The following HMCN1 variants were observed in gnomAD, a reference collection of about 807,000 sequenced individuals.
The protein encoded by HMCN1 is hemicentin-1.
HMCN1 carries 321 observed loss-of-function variants against 625.9 expected under a neutral mutation model. That is an observed-to-expected ratio of 0.51 (90% CI 0.47 to 0.56). HMCN1 has a LOEUF of 0.56. Ranked by LOEUF, HMCN1 falls within the 20% of genes least tolerant of loss-of-function variation. HMCN1 has a pLI of 0.00. For missense variants in HMCN1, 6,588 were observed against 6,887.3 expected, an observed-to-expected ratio of 0.96 and a Z score of 1.54; for synonymous variants, 2,425 against 2,417.6, an observed-to-expected ratio of 1.00 and a Z score of -0.09.
At chr1:186,076,762 CACGT>C in intron 54 of HMCN1, 140 bp downstream of exon 54, 2 of 774,308 alleles carry the variant, frequency 2.6e-6, no homozygotes, top group Non-Finnish European at 4.4e-6. Context: ...CACTGGCATC[CACGT>C]AGCTTCAATC....
intron 1 of HMCN1, among the ~76,000 whole-genome samples, chr1:185,752,535 A>AT (rs1654884816): frequency 6.6e-6 from 1 of 152,012 alleles, no homozygotes; most frequent in Non-Finnish European, 1.5e-5. Context: ...GAAATTCTAT[A>AT]TTTTGCCCAG....
In HMCN1 at chr1:186,129,939, A is replaced by T. The variant is rs376868173; in HGVS notation, c.12905-27A>T. 22 of 1,612,064 alleles carry T rather than the reference A, an allele frequency of 1.4e-5. No individual in the cohort carries two copies. In the African/African-American group the frequency reaches 1.5e-4, roughly 11 times the overall value. On this transcript the variant is annotated intron_variant, in intron 83 of 106. Coordinates refer to ENST00000271588, the MANE Select transcript of HMCN1 (RefSeq NM_031935.3). ...AATTTTTCCTAGGTTACTGAGAGGCACTTGTGTTGTTTCTTGTTTCCCTCA... is the reference window on the plus strand; with the variant it reads ...AATTTTTCCTAGGTTACTGAGAGGCTCTTGTGTTGTTTCTTGTTTCCCTCA...
intron 13 of HMCN1, 96 bp from the exon 14 acceptor site, chr1:185,965,706 C>CACATAAAT: frequency 1.3e-6 from 1 of 776,258 alleles, no homozygotes; most frequent in Non-Finnish European, 2.4e-6. Context: ...TGGCCACAAG[C>CACATAAAT]ACATAAATTT....
intron 87 of HMCN1, 132 bp downstream of exon 87, chr1:186,137,069 T>A (rs1649651619): frequency 9.0e-7 from 1 of 1,106,314 alleles, no homozygotes. Context: ...GAGGACAAAA[T>A]CATCAAAATT....
chr1:186,042,196 T>C (rs1656256066), intron 40 of HMCN1, among the ~76,000 whole-genome samples: 1 of 152,170 alleles, frequency 6.6e-6, no homozygotes, highest in South Asian at 2.1e-4. Context: ...ACATTCAGCC[T>C]CCAGATTTGC....
rs1339490289 is a variant in HMCN1 at position 185,981,082 on chromosome 1, A to C, written c.2662+9A>C. The C allele has an allele frequency of 1.3e-6, 2 of 1,498,214 alleles. No homozygotes were observed. The highest frequency in any genetic ancestry group is 1.7e-5 in the Admixed American group (1 of 59,818). The allele number at this position is 1,498,214 out of a possible 1,614,324, so 92.8% of individuals were successfully genotyped here. ...AACAGTGACCGGACTTGGTAAGATC[A>C]ATTGAATGTCTACATACCATGGTCT... On this transcript the variant is annotated intron_variant, in intron 17 of 106. Coordinates refer to ENST00000271588, the MANE Select transcript of HMCN1 (RefSeq NM_031935.3).
Position 186,093,440 on chromosome 1 carries a change from C to T in HMCN1, c.10013-46C>T, listed in dbSNP as rs751516352. 4 of 1,595,920 alleles carry T rather than the reference C, an allele frequency of 2.5e-6. No homozygotes were observed. In the Admixed American group the frequency reaches 6.7e-5, roughly 27 times the overall value. On this transcript the variant is annotated intron_variant, in intron 65 of 106. Coordinates refer to ENST00000271588, the MANE Select transcript of HMCN1 (RefSeq NM_031935.3). The stretch of plus-strand genomic sequence containing the variant: ...GTAGAAATTATTTGAACTAGTATTA[C>T]ATAATACATCCCTCTTCCCTCTCTC...
At chr1:186,135,066 A>G (rs774227965) in intron 86 of HMCN1, among the ~76,000 whole-genome samples, 1 of 152,120 alleles carries the variant, frequency 6.6e-6, no homozygotes, top group Admixed American at 6.6e-5. Flanking sequence ...TCTCTGTTCA[A>G]ATAACCTTAC....
At chr1:185,891,364 C>T (rs1219734475) in intron 4 of HMCN1, among the ~76,000 whole-genome samples, 2 of 146,464 alleles carry the variant, frequency 1.4e-5, no homozygotes, top group African/African-American at 2.8e-5. Context: ...ATGATGTTAG[C>T]TGGTTATTTT....
intron 1 of HMCN1, among the ~76,000 whole-genome samples, chr1:185,789,417 A>G (rs1419830038): frequency 6.6e-6 from 1 of 152,210 alleles, no homozygotes; most frequent in Non-Finnish European, 1.5e-5. Context: ...AGTAACACTG[A>G]TGTGCCTCCT....
At chr1:185,823,399 T>A (rs551992806) in intron 1 of HMCN1, among the ~76,000 whole-genome samples, 2 of 152,276 alleles carry the variant, frequency 1.3e-5, no homozygotes, top group African/African-American at 4.8e-5. Flanking sequence ...AGGCAACATA[T>A]AAAAAAATTG....
intron 15 of HMCN1, 105 bp from the exon 16 acceptor site, chr1:185,977,682 A>C (rs1219908819): frequency 2.5e-6 from 2 of 799,374 alleles, no homozygotes; most frequent in Non-Finnish European, 4.4e-6. Context: ...TATAATATGA[A>C]CAATAATTCA....
intron 4 of HMCN1, among the ~76,000 whole-genome samples, chr1:185,903,805 G>A (rs140125277): frequency 4.9e-4 from 75 of 151,846 alleles, no homozygotes; most frequent in Admixed American, 1.3e-3. Context: ...AAATCTGAAT[G>A]CCAGCTCATT....
At chr1:186,142,513 C>A (rs1204900521) in intron 89 of HMCN1, among the ~76,000 whole-genome samples, 1 of 152,100 alleles carries the variant, frequency 6.6e-6, no homozygotes, top group Admixed American at 6.6e-5. Flanking sequence ...TTGCTCTGGG[C>A]ATATACCCAA....
intron 1 of HMCN1, among the ~76,000 whole-genome samples, chr1:185,803,217 A>AC (rs1159208608): frequency 7.4e-6 from 1 of 135,008 alleles, no homozygotes; most frequent in Non-Finnish European, 1.5e-5. Context: ...AAAAAAAAAA[A>AC]AAAAAACAAA....
intron 1 of HMCN1, among the ~76,000 whole-genome samples, chr1:185,761,476 C>A (rs917164674): frequency 6.6e-6 from 1 of 152,154 alleles, no homozygotes; most frequent in African/African-American, 2.4e-5. Context: ...AGCCTGTTAA[C>A]TTCGAGTGGT....
At chr1:185,930,120 G>T (rs961696722) in intron 10 of HMCN1, among the ~76,000 whole-genome samples, 1 of 152,134 alleles carries the variant, frequency 6.6e-6, no homozygotes, top group Non-Finnish European at 1.5e-5. Flanking sequence ...TTCTACACAT[G>T]CCCTTCTAGT....
Position 186,165,132 on chromosome 1 carries a change from C to G in HMCN1, c.15278C>G (p.Pro5093Arg), listed in dbSNP as rs1651797630. ...GTAGGAGATCGCAGTAATCAGTGCC[C>G]CTCCGGGTTTACCTTAGACTCAGTT... ...ISKGDRSNQC[P>R]SGFTLDSVGP... The change falls in exon 98 of 107, where the codon CCC (proline) becomes CGC (arginine). Residue 5093 changes from proline (P) to arginine (R), a missense_variant. By Grantham distance (103) the Pro-to-Arg change is moderately radical (BLOSUM62 -2). This residue lies in a region of HMCN1 where 1,954 missense variants were observed against 2,013.1 expected (regional missense o/e 0.97). Transcript: ENST00000271588. The G allele has an allele frequency of 1.2e-6, 2 of 1,613,866 alleles. No individual in the cohort carries two copies. The highest frequency in any genetic ancestry group is 1.3e-5 in the African/African-American group (1 of 74,852).
At chr1:186,068,122 T>A in intron 50 of HMCN1, 115 bp downstream of exon 50, 1 of 1,032,450 alleles carries the variant, frequency 9.7e-7, no homozygotes, top group South Asian at 1.3e-5. Flanking sequence ...TTGTGTTATG[T>A]TCTGTGCAGC....
Sources: gnomAD v4.1 joint callset for allele counts (sites outside exome capture counted in the v4.1 genomes callset) on GRCh38, gnomAD v4.1.1 for gene constraint, gnomAD v4.1.1 regional missense constraint, MANE v1.5 for transcripts, NCBI Gene and HGNC (gene_info 2026-07-23, HGNC 2026-07-21) for gene names.